LONRF1: variants seen among roughly 807,000 people sequenced by gnomAD.
LONRF1 encodes the protein LON peptidase N-terminal domain and ring finger 1.
A neutral mutation model predicts 85.8 loss-of-function variants in LONRF1; 37 were observed. The observed-to-expected ratio is 0.43, with a 90% CI of 0.33 to 0.57. The LOEUF (loss-of-function observed/expected upper bound fraction) is 0.57. Ranked by LOEUF, LONRF1 falls within the 20% of genes least tolerant of loss-of-function variation. The pLI is 0.04. For synonymous variants in LONRF1, 517 were observed against 390.1 expected, an observed-to-expected ratio of 1.33 and a Z score of -3.83; for missense variants, 1,036 against 978.0, an observed-to-expected ratio of 1.06 and a Z score of -0.79.
In LONRF1 at chr8:12,755,282, G is replaced by C; in HGVS notation, c.139C>G (p.Arg47Gly). ...RLERAAAESE[R>G]WELLLRRGEL... The stretch of plus-strand genomic sequence containing the variant: ...CCGCGGCGGAGCAGCAGCTCCCAGC[G>C]CTCCGACTCCGCGGCCGCGCGCTCC... Residue 47 changes from arginine (R) to glycine (G), a missense_variant, in exon 1 of 12, where the codon CGC becomes GGC. By Grantham distance (125) the Arg-to-Gly change is moderately radical (BLOSUM62 -2). Coordinates refer to ENST00000398246, the MANE Select transcript of LONRF1 (RefSeq NM_152271.5). 1.6e-6 allele frequency: 2 copies of C among 1,243,402 alleles called. No individual in the cohort carries two copies. Among genetic ancestry groups the C allele is most frequent in the Non-Finnish European group, 2.0e-6 (2 of 993,252 alleles). The allele number at this position is 1,243,402 out of a possible 1,614,324, so 77.0% of individuals were successfully genotyped here.
chr8:12,731,074 A>C (rs1369860354), intron 8 of LONRF1, among the ~76,000 whole-genome samples: 1 of 152,178 alleles, frequency 6.6e-6, no homozygotes, highest in Non-Finnish European at 1.5e-5. Flanking sequence ...AGGGAAAAGA[A>C]AGGGAGAAAA....
At chr8:12,723,757 G>A (rs978824429) in intron 11 of LONRF1, among the ~76,000 whole-genome samples, 3 of 152,182 alleles carry the variant, frequency 2.0e-5, no homozygotes, top group Admixed American at 2.0e-4. Context: ...CCACTTTCTT[G>A]AGCTATAGAT....
intron 2 of LONRF1, among the ~76,000 whole-genome samples, chr8:12,742,621 T>G (rs1298588759): frequency 6.6e-6 from 1 of 152,226 alleles, no homozygotes; most frequent in Non-Finnish European, 1.5e-5. Flanking sequence ...TGCAGACATT[T>G]TGTATAATAA....
At chr8:12,740,103 T>A (rs1476557769) in intron 3 of LONRF1, among the ~76,000 whole-genome samples, 3 of 152,146 alleles carry the variant, frequency 2.0e-5, no homozygotes, top group Non-Finnish European at 2.9e-5. Flanking sequence ...CCCACATGAT[T>A]CTGACAAAAA....
chr8:12,738,391 G>C (rs1311214893), intron 3 of LONRF1, among the ~76,000 whole-genome samples: 2 of 152,128 alleles, frequency 1.3e-5, no homozygotes, highest in Non-Finnish European at 2.9e-5. Flanking sequence ...GGAGTAGTAA[G>C]ACTCAGGATA....
At chr8:12,747,290 T>G (rs530539370) in intron 1 of LONRF1, among the ~76,000 whole-genome samples, 1 of 152,194 alleles carries the variant, frequency 6.6e-6, no homozygotes, top group African/African-American at 2.4e-5. Context: ...TCTAGAGTCA[T>G]GGTTTTCTAT....
chr8:12,751,411 A>T (rs917379691), intron 1 of LONRF1, among the ~76,000 whole-genome samples: 5 of 146,276 alleles, frequency 3.4e-5, no homozygotes, highest in African/African-American at 1.0e-4. Flanking sequence ...GGTTCAAGCA[A>T]TTCTGCCTCA....
intron 7 of LONRF1, among the ~76,000 whole-genome samples, chr8:12,732,727 C>T (rs1339649360): frequency 3.3e-5 from 5 of 152,178 alleles, no homozygotes; most frequent in South Asian, 2.1e-4. Flanking sequence ...GGCATTGTAG[C>T]GTGTAGTATA....
intron 7 of LONRF1, among the ~76,000 whole-genome samples, chr8:12,732,521 T>C (rs1158489249): frequency 1.3e-5 from 2 of 152,192 alleles, no homozygotes; most frequent in Non-Finnish European, 2.9e-5. Flanking sequence ...CTAAATACTC[T>C]GAAAAAGTAC....
At chr8:12,724,217 G>C (rs1806059759) in intron 11 of LONRF1, among the ~76,000 whole-genome samples, 1 of 152,160 alleles carries the variant, frequency 6.6e-6, no homozygotes, top group Non-Finnish European at 1.5e-5. Context: ...GTTGGCCGAT[G>C]AAAGGCACTC....
At chr8:12,748,413 T>C (rs1223668901) in intron 1 of LONRF1, among the ~76,000 whole-genome samples, 1 of 152,104 alleles carries the variant, frequency 6.6e-6, no homozygotes, top group Admixed American at 6.6e-5. Flanking sequence ...CCCAGGCTGG[T>C]CTCAAACTCT....
In LONRF1 at chr8:12,729,071, A is replaced by G; in HGVS notation, c.1848-8T>C. Reference sequence around the variant, plus strand: ...CAACCATAATCTGCAAAACTAAAAGAAAACCTTGATTAGTAACAAAGTTGA... The same window carrying G: ...CAACCATAATCTGCAAAACTAAAAGGAAACCTTGATTAGTAACAAAGTTGA... On this transcript the variant is annotated splice_region_variant and splice_polypyrimidine_tract_variant and intron_variant, in intron 9 of 11. Coordinates refer to ENST00000398246, the MANE Select transcript of LONRF1 (RefSeq NM_152271.5). 3.1e-6 allele frequency: 5 copies of G among 1,613,454 alleles called. No homozygotes were observed. The highest frequency in any genetic ancestry group is 4.2e-6 in the Non-Finnish European group (5 of 1,179,630).
At chr8:12,741,184 G>A (rs937787181) in intron 2 of LONRF1, among the ~76,000 whole-genome samples, 188 bp from the exon 3 acceptor site, 4 of 152,152 alleles carry the variant, frequency 2.6e-5, no homozygotes, top group Non-Finnish European at 5.9e-5. Flanking sequence ...AGGAGTTCGA[G>A]ACCAGTCTGG....
intron 1 of LONRF1, 67 bp from the exon 2 acceptor site, chr8:12,743,349 A>G (rs1799015961): frequency 2.1e-6 from 2 of 965,224 alleles, no homozygotes; most frequent in South Asian, 3.0e-5. Flanking sequence ...ACAAAATATG[A>G]TCATACCAGA....
rs1170757416 is a variant in LONRF1, at chr8:12,723,104, A to G, written c.2314T>C (p.Ser772Pro). 2 of 1,610,942 alleles carry G rather than the reference A, an allele frequency of 1.2e-6. No individual in the cohort carries two copies. The highest frequency in any genetic ancestry group is 2.7e-5 in the African/African-American group (2 of 74,924). The change falls in exon 12 of 12, where the codon TCT (serine) becomes CCT (proline). Residue 772 changes from serine (S) to proline (P), a missense_variant. By Grantham distance (74) the Ser-to-Pro change is moderately conservative. Transcript: ENST00000398246. ...GAGATCCAAAGAGTTAGTTACTTAG[A>G]TTGGTCTCTAGAAAAATAGGTCAGT... ...HILTYFSRDQ[S>P]K
At chr8:12,749,817 A>C (rs1005825827) in intron 1 of LONRF1, among the ~76,000 whole-genome samples, 1 of 152,206 alleles carries the variant, frequency 6.6e-6, no homozygotes, top group Non-Finnish European at 1.5e-5. Context: ...GTAGAAGCCA[A>C]TTAAGCAGTA....
At position 12,740,898 on chromosome 8, in the gene LONRF1, T is replaced by A. The variant is rs199520551; in HGVS notation, c.939A>T (p.Ala313=). 898 of 1,613,372 alleles carry A rather than the reference T, an allele frequency of 5.6e-4. 1 individual carries two copies. Among genetic ancestry groups the A allele is most frequent in the Non-Finnish European group, 7.1e-4 (841 of 1,179,600 alleles). The change falls in exon 3 of 12, where the codon GCA becomes GCT. Residue 313 remains alanine, a synonymous_variant. Coordinates refer to ENST00000398246, the MANE Select transcript of LONRF1 (RefSeq NM_152271.5). ...LQCLALDEDF[A]PAKLQVQKIL... ...CCTTTTGTACTTGCAGCTTTGCAGG[T>A]GCAAAATCTTCATCAAGGGCTAAGC...
At chr8:12,734,717 G>T (rs185749422) in intron 7 of LONRF1, among the ~76,000 whole-genome samples, 7 of 152,138 alleles carry the variant, frequency 4.6e-5, no homozygotes, top group Non-Finnish European at 1.0e-4. Flanking sequence ...ATTGCCCAAT[G>T]TCGCAGCCAT....
Position 12,754,890 on chromosome 8 carries a change from C to G in LONRF1, c.531G>C (p.Pro177=). The part of the protein sequence containing the change: ...ASATDAEGTA[P]RPPPLAAAIA... ...TGGCGGCGGCCAGAGGCGGCGGCCG[C>G]GGGGCGGTCCCTTCAGCATCAGTGG... Residue 177 remains proline (P), a synonymous_variant, in exon 1 of 12, where the codon CCG becomes CCC. Coordinates refer to ENST00000398246, the MANE Select transcript of LONRF1 (RefSeq NM_152271.5). 1 of 1,492,592 alleles carries G rather than the reference C, an allele frequency of 6.7e-7. No individual in the cohort carries two copies. Among genetic ancestry groups the G allele is most frequent in the Non-Finnish European group, 8.9e-7 (1 of 1,126,022 alleles). The allele number at this position is 1,492,592 out of a possible 1,614,324, so 92.5% of individuals were successfully genotyped here.
Sources: allele counts gnomAD v4.1 joint callset (sites outside exome capture counted in the v4.1 genomes callset), GRCh38; gene constraint gnomAD v4.1.1; transcripts MANE v1.5; gene names NCBI Gene and HGNC (gene_info 2026-07-23, HGNC 2026-07-21).